CTSS: variants seen among roughly 807,000 people sequenced by gnomAD.
CTSS encodes cathepsin S.
CTSS carries 15 observed loss-of-function variants against 39.9 expected under a neutral mutation model. The observed-to-expected ratio is 0.38, with a 90% CI of 0.25 to 0.58. CTSS has a LOEUF of 0.58. Among genes scored for constraint, CTSS ranks in the 20% least tolerant of loss-of-function variants. The pLI is 0.70. For missense variants in CTSS, 250 were observed against 398.2 expected, an observed-to-expected ratio of 0.63 and a Z score of 3.17; for synonymous variants, 126 against 138.2, an observed-to-expected ratio of 0.91 and a Z score of 0.62.
intron 7 of CTSS, among the ~76,000 whole-genome samples, chr1:150,743,570 CATAAT>C (rs1652815172): frequency 8.6e-6 from 1 of 116,346 alleles, no homozygotes; most frequent in Non-Finnish European, 1.7e-5. Context: ...TGTATGTATA[CATAAT>C]ATATTATATA....
At chr1:150,749,690 C>T (rs1571099913) in intron 6 of CTSS, among the ~76,000 whole-genome samples, 1 of 151,168 alleles carries the variant, frequency 6.6e-6, no homozygotes, top group Non-Finnish European at 1.5e-5. Flanking sequence ...CACTCTGTTG[C>T]CCAGGTTGGA....
chr1:150,754,556 T>G (rs587683709), intron 4 of CTSS, among the ~76,000 whole-genome samples: 2 of 152,078 alleles, frequency 1.3e-5, no homozygotes, highest in East Asian at 3.9e-4. Flanking sequence ...CTCTCCTGAG[T>G]AACTGGGATT....
At chr1:150,764,859 T>TAGACTTTG in intron 1 of CTSS, 95 bp from the exon 2 acceptor site, 2 of 1,419,104 alleles carry the variant, frequency 1.4e-6, no homozygotes, top group Non-Finnish European at 2.0e-6. Context: ...GCAAAGTCTA[T>TAGACTTTG]CAAAGGGACA....
At chr1:150,737,368 C>T (rs922145976) in intron 7 of CTSS, among the ~76,000 whole-genome samples, 2 of 152,162 alleles carry the variant, frequency 1.3e-5, no homozygotes, top group African/African-American at 2.4e-5. Context: ...TCCCAAAGTG[C>T]TGGGATTACA....
intron 7 of CTSS, among the ~76,000 whole-genome samples, chr1:150,740,636 C>T (rs1011403198): frequency 3.9e-5 from 6 of 152,168 alleles, no homozygotes; most frequent in African/African-American, 1.4e-4. Flanking sequence ...TAGTGATCCA[C>T]CTGCCTTGGC....
In CTSS at chr1:150,750,175, CA is replaced by C. The variant is rs1379832044; in HGVS notation, c.628-5del. Reference sequence around the variant, plus strand: ...AGTCATATTGACATTTCTGATCCTGCAAAAAGAAGTATAAATATGATGAAGT... The same window carrying C: ...AGTCATATTGACATTTCTGATCCTGCAAAAGAAGTATAAATATGATGAAGT... On this transcript the variant is annotated splice_region_variant and splice_polypyrimidine_tract_variant and intron_variant, in intron 5 of 7. Coordinates refer to ENST00000368985, the MANE Select transcript of CTSS (RefSeq NM_004079.5). The C allele has an allele frequency of 1.2e-6, 2 of 1,603,306 alleles. No individual in the cohort carries two copies. The highest frequency in any genetic ancestry group is 1.3e-5 in the African/African-American group (1 of 74,692).
Position 150,750,183 on chromosome 1 carries a change from A to C in CTSS, c.628-12T>G. ...TGACATTTCTGATCCTGCAAAAAGAAGTATAAATATGATGAAGTATACTTC... is the reference window on the plus strand; with the variant it reads ...TGACATTTCTGATCCTGCAAAAAGACGTATAAATATGATGAAGTATACTTC... On this transcript the variant is annotated splice_polypyrimidine_tract_variant and intron_variant, in intron 5 of 7. Coordinates refer to ENST00000368985, the MANE Select transcript of CTSS (RefSeq NM_004079.5). 6.3e-7 allele frequency: 1 copy of C among 1,598,792 alleles called. No homozygotes were observed. The highest frequency in any genetic ancestry group is 8.6e-7 in the Non-Finnish European group (1 of 1,168,302).
intron 2 of CTSS, among the ~76,000 whole-genome samples, chr1:150,759,929 A>C (rs1653217443): frequency 6.6e-6 from 1 of 152,102 alleles, no homozygotes; most frequent in South Asian, 2.1e-4. Context: ...CTGTTACCCC[A>C]GTAATGGACA....
chr1:150,754,905 CGTGGGACT>C, intron 4 of CTSS, 88 bp downstream of exon 4: 1 of 1,277,656 alleles, frequency 7.8e-7, no homozygotes, highest in East Asian at 2.4e-5. Context: ...GAAAGTAACA[CGTGGGACT>C]GTAAGATTCA....
At chr1:150,736,344 T>G (rs1652635690) in intron 7 of CTSS, among the ~76,000 whole-genome samples, 1 of 152,112 alleles carries the variant, frequency 6.6e-6, no homozygotes, top group Non-Finnish European at 1.5e-5. Context: ...AGATAGTAAA[T>G]TGTGAAGCCA....
rs1379714394 is a variant in CTSS, at chr1:150,764,700, G to A, written c.64C>T (p.Pro22Ser). Residue 22 changes from proline (P) to serine (S), a missense_variant, in exon 2 of 8, where the codon CCT becomes TCT. Physicochemically the swap from Pro to Ser is moderately conservative, Grantham distance 74 (BLOSUM62 -1). Transcript: ENST00000368985. ...AGATGCCAGTGGTGATCCAGGGTAG[G>A]ATCTTTATGCAACTGTGCCACTGCA... is the stretch of plus-strand genomic sequence containing the variant. ...SSAVAQLHKDPTLDHHWHLWK... is the reference protein window; with the variant it reads ...SSAVAQLHKDSTLDHHWHLWK... 2.5e-6 allele frequency: 4 copies of A among 1,613,998 alleles called. No individual in the cohort carries two copies. The highest frequency in any genetic ancestry group is 2.7e-5 in the African/African-American group (2 of 74,920).
chr1:150,738,084 TG>T (rs2101910212), intron 7 of CTSS, among the ~76,000 whole-genome samples: 1 of 152,238 alleles, frequency 6.6e-6, no homozygotes, highest in Non-Finnish European at 1.5e-5. Context: ...TTAGAGGGTT[TG>T]GGGTAGAAGG....
Position 150,731,519 on chromosome 1 carries a change from A to G in CTSS, c.*1527T>C, listed in dbSNP as rs957841801. 1 of 152,236 alleles carries G rather than the reference A, an allele frequency of 6.6e-6. No individual in the cohort carries two copies. Among genetic ancestry groups the G allele is most frequent in the African/African-American group, 2.4e-5 (1 of 41,464 alleles). 9.4% of individuals were successfully genotyped at this position (152,236 alleles called of 1,614,324 possible). A position where few individuals can be genotyped will look rare whatever the true frequency, so the allele number is the denominator to read the frequency against. On this transcript the variant is annotated 3_prime_UTR_variant, in exon 8 of 8. Transcript: ENST00000368985. The stretch of plus-strand genomic sequence containing the variant: ...TATTTAGCAATTCTTGTTCCTTAAA[A>G]TGTGCTTTATGGAGAAGGAGCCAGA...
intron 7 of CTSS, among the ~76,000 whole-genome samples, chr1:150,738,369 G>A (rs981275345): frequency 2.0e-5 from 3 of 152,044 alleles, no homozygotes; most frequent in Non-Finnish European, 4.4e-5. Flanking sequence ...CAAGTCTATC[G>A]GCACAATGTT....
In CTSS at chr1:150,751,802, A is replaced by C. The variant is rs1321003271; in HGVS notation, c.606T>G (p.Ala202=). 10 of 1,614,022 alleles carry C rather than the reference A, an allele frequency of 6.2e-6. No homozygotes were observed. The Admixed American group carries it at 1.7e-4, about 27-fold the overall frequency. The part of the protein sequence containing the change: ...IIDNKGIDSD[A]SYPYKAMDQK... Reference sequence around the variant, plus strand: ...GCACCATGGCTTTGTAGGGATAGGAAGCGTCTGAGTCGATGCCCTTGTTAT... The same window carrying C: ...GCACCATGGCTTTGTAGGGATAGGACGCGTCTGAGTCGATGCCCTTGTTAT... Residue 202 remains alanine (A), a synonymous_variant, in exon 5 of 8, where the codon GCT becomes GCG. Coordinates refer to ENST00000368985, the MANE Select transcript of CTSS (RefSeq NM_004079.5).
intron 3 of CTSS, among the ~76,000 whole-genome samples, chr1:150,756,139 A>G (rs1653121133): frequency 6.6e-6 from 1 of 152,172 alleles, no homozygotes; most frequent in Non-Finnish European, 1.5e-5. Context: ...ACTAAAATAC[A>G]AACACACACA....
At chr1:150,751,663 TTC>T (rs1326940908) in intron 5 of CTSS, 116 bp downstream of exon 5, 3 of 795,728 alleles carry the variant, frequency 3.8e-6, no homozygotes, top group Admixed American at 5.1e-5. Context: ...CTCTTCAGGG[TTC>T]TCTCTCACAC....
Position 150,750,170 on chromosome 1 carries a change from TC to T in CTSS, c.628del (p.Asp210IlefsTer29). 5 of 1,606,704 alleles carry T rather than the reference TC, an allele frequency of 3.1e-6. No homozygotes were observed. Among genetic ancestry groups the T allele is most frequent in the Non-Finnish European group, 4.3e-6 (5 of 1,174,304 alleles). ...TTTTGAGTCATATTGACATTTCTGA[TC>T]CTGCAAAAAGAAGTATAAATATGAT... ...SDASYPYKAM[D>X]QKCQYDSKYR... On this transcript the variant is annotated frameshift_variant and splice_region_variant, in exon 6 of 8. Coordinates refer to ENST00000368985, the MANE Select transcript of CTSS (RefSeq NM_004079.5). LOFTEE classifies it high-confidence loss of function.
At chr1:150,762,516 G>A (rs879711584) in intron 2 of CTSS, among the ~76,000 whole-genome samples, 2 of 152,114 alleles carry the variant, frequency 1.3e-5, no homozygotes, top group African/African-American at 2.4e-5. Flanking sequence ...GAAAATATTT[G>A]CAAATCATAC....
Sources: gnomAD v4.1 joint callset for allele counts (sites outside exome capture counted in the v4.1 genomes callset) on GRCh38, gnomAD v4.1.1 for gene constraint, MANE v1.5 for transcripts, NCBI Gene and HGNC (gene_info 2026-07-23, HGNC 2026-07-21) for gene names.